Variants in PRKCA observed in about 807,000 individuals in gnomAD.
The protein encoded by PRKCA is protein kinase C alpha.
In PRKCA, 27 loss-of-function variants were observed where a neutral mutation model predicts 87.0. The ratio of observed to expected loss-of-function variants is 0.31; its 90% confidence interval spans 0.23 to 0.43. The LOEUF (loss-of-function observed/expected upper bound fraction) is 0.43, where lower values mean the gene tolerates loss of function less well. Among genes scored for constraint, PRKCA ranks in the 20% least tolerant of loss-of-function variants. The pLI is 1.00. For missense variants in PRKCA, 518 were observed against 852.3 expected (o/e 0.61, Z 4.88); for synonymous variants, 329 against 311.1 (o/e 1.06, Z -0.61).
chr17:66,358,208 C>T (rs1297974552), intron 2 of PRKCA, among the ~76,000 whole-genome samples: 2 of 151,592 alleles, frequency 1.3e-5, no homozygotes, highest in Admixed American at 6.6e-5. Flanking sequence ...TGGGATTTGA[C>T]GCACTGAGGT....
At position 66,595,463 on chromosome 17, in the gene PRKCA, C is replaced by CTTT. The variant is rs374376124; in HGVS notation, c.289-45878_289-45876dup. The stretch of plus-strand genomic sequence containing the variant: ...AACTCTATTTTATTTTCTTTTCCTT[C>CTTT]TTTTTTTTTTTTTTTTGAGACAGTC... On this transcript the variant is annotated intron_variant, in intron 3 of 16. Transcript: ENST00000413366. 4.6e-4 allele frequency among the ~76,000 whole-genome samples: 54 copies of CTTT among 116,530 alleles called. 5 individuals are homozygous for CTTT. The highest frequency in any genetic ancestry group is 1.5e-3 in the African/African-American group (44 of 28,952). 76.4% of individuals were successfully genotyped at this position (116,530 alleles called of 152,430 possible).
intron 2 of PRKCA, among the ~76,000 whole-genome samples, chr17:66,433,569 G>A (rs1193940603): frequency 1.3e-5 from 2 of 152,096 alleles, no homozygotes; most frequent in African/African-American, 2.4e-5. Context: ...TATGGAGACA[G>A]AGTCTTGCTC....
intron 3 of PRKCA, among the ~76,000 whole-genome samples, chr17:66,505,346 G>C (rs1241241012): frequency 1.3e-5 from 2 of 152,170 alleles, no homozygotes; most frequent in East Asian, 3.8e-4. Flanking sequence ...AGGGAGGGAT[G>C]AGTATTTGCC....
At chr17:66,694,110 G>C (rs1455571841) in intron 8 of PRKCA, among the ~76,000 whole-genome samples, 1 of 152,176 alleles carries the variant, frequency 6.6e-6, no homozygotes, top group Non-Finnish European at 1.5e-5. Flanking sequence ...ACCACAGTGA[G>C]AAGTCAGCTT....
At chr17:66,476,194 C>T (rs891514989) in intron 2 of PRKCA, among the ~76,000 whole-genome samples, 1 of 152,142 alleles carries the variant, frequency 6.6e-6, no homozygotes, top group African/African-American at 2.4e-5. Context: ...GTCACCATGC[C>T]CAGCCAATTT....
At chr17:66,532,546 A>G (rs1052581272) in intron 3 of PRKCA, among the ~76,000 whole-genome samples, 1 of 151,786 alleles carries the variant, frequency 6.6e-6, no homozygotes, top group Non-Finnish European at 1.5e-5. Context: ...TTGTATTTTT[A>G]GTAGATACAG....
chr17:66,590,758 G>A (rs1451368111), intron 3 of PRKCA, among the ~76,000 whole-genome samples: 1 of 152,130 alleles, frequency 6.6e-6, no homozygotes, highest in Admixed American at 6.5e-5. Context: ...GCTGAGGCAG[G>A]AGAATCACTT....
chr17:66,346,629 A>G (rs1204278759), intron 2 of PRKCA, among the ~76,000 whole-genome samples: 6 of 152,166 alleles, frequency 3.9e-5, no homozygotes, highest in African/African-American at 1.4e-4. Context: ...TAAAAAGCCA[A>G]GCTTATTAGA....
chr17:66,722,942 T>C (rs1331568724), intron 8 of PRKCA, among the ~76,000 whole-genome samples: 1 of 152,248 alleles, frequency 6.6e-6, no homozygotes, highest in African/African-American at 2.4e-5. Context: ...TTTGTGCCAT[T>C]TTATTAAGTC....
intron 8 of PRKCA, among the ~76,000 whole-genome samples, chr17:66,694,405 C>T (rs992345396): frequency 7.1e-6 from 1 of 140,200 alleles, no homozygotes; most frequent in Admixed American, 8.0e-5. Flanking sequence ...TGCCGGAACC[C>T]AGGAGGTGGA....
At chr17:66,420,040 T>C (rs1444839691) in intron 2 of PRKCA, among the ~76,000 whole-genome samples, 1 of 146,666 alleles carries the variant, frequency 6.8e-6, no homozygotes, top group African/African-American at 2.5e-5. Flanking sequence ...TGAGACGGAG[T>C]CTTGCTCTGT....
intron 13 of PRKCA, among the ~76,000 whole-genome samples, chr17:66,758,514 G>T (rs1377637713): frequency 6.6e-6 from 1 of 152,180 alleles, no homozygotes; most frequent in South Asian, 2.1e-4. Flanking sequence ...TGGTTGAATG[G>T]CAGAGTGGCA....
At chr17:66,480,185 G>A (rs1429176265) in intron 2 of PRKCA, among the ~76,000 whole-genome samples, 1 of 151,956 alleles carries the variant, frequency 6.6e-6, no homozygotes, top group Non-Finnish European at 1.5e-5. Context: ...TTCTTTGTAT[G>A]GAGACTTTCC....
chr17:66,739,336 C>A (rs1187900864), intron 11 of PRKCA, among the ~76,000 whole-genome samples: 3 of 152,194 alleles, frequency 2.0e-5, no homozygotes, highest in African/African-American at 7.2e-5. Context: ...TATTCTATTT[C>A]CAGTATTTCC....
chr17:66,704,076 T>A (rs1439920344), intron 8 of PRKCA, among the ~76,000 whole-genome samples: 1 of 152,080 alleles, frequency 6.6e-6, no homozygotes, highest in Non-Finnish European at 1.5e-5. Context: ...CACCATCATT[T>A]ATGCAGTCCA....
chr17:66,610,714 A>C (rs1970336243), intron 3 of PRKCA, among the ~76,000 whole-genome samples: 1 of 152,132 alleles, frequency 6.6e-6, no homozygotes, highest in African/African-American at 2.4e-5. Flanking sequence ...CGAACAAGGG[A>C]AGGAAGGGGT....
intron 5 of PRKCA, among the ~76,000 whole-genome samples, chr17:66,679,304 C>T (rs189814399): frequency 2.6e-5 from 4 of 152,052 alleles, no homozygotes; most frequent in South Asian, 4.2e-4. Flanking sequence ...CCTCAGCCTC[C>T]CGAGTAGCTG....
At chr17:66,539,155 T>C (rs1489066206) in intron 3 of PRKCA, among the ~76,000 whole-genome samples, 1 of 152,206 alleles carries the variant, frequency 6.6e-6, no homozygotes, top group Non-Finnish European at 1.5e-5. Flanking sequence ...TGTATTTCTG[T>C]GTGGTGTCCT....
chr17:66,582,774 C>T (rs1342214211), intron 3 of PRKCA, among the ~76,000 whole-genome samples: 1 of 152,170 alleles, frequency 6.6e-6, no homozygotes, highest in Non-Finnish European at 1.5e-5. Context: ...CTAGCCTGCC[C>T]TTAAGTCAGC....
Sources: gnomAD v4.1 joint callset for allele counts (sites outside exome capture counted in the v4.1 genomes callset) on GRCh38, gnomAD v4.1.1 for gene constraint, MANE v1.5 for transcripts, NCBI Gene and HGNC (gene_info 2026-07-23, HGNC 2026-07-21) for gene names.